TVP23A: variants seen among roughly 807,000 people sequenced by gnomAD.
TVP23A encodes trans-golgi network vesicle protein 23 homolog A.
A neutral mutation model predicts 31.7 loss-of-function variants in TVP23A; 21 were observed. The ratio of observed to expected loss-of-function variants is 0.66; its 90% CI spans 0.47 to 0.95. The LOEUF is 0.95. Among genes scored for constraint, TVP23A ranks in the 40% least tolerant of loss-of-function variants. TVP23A has a pLI of 0.00. For synonymous variants in TVP23A, 104 were observed against 96.0 expected, an observed-to-expected ratio of 1.08 and a Z score of -0.49; for missense variants, 279 against 255.6, an observed-to-expected ratio of 1.09 and a Z score of -0.62.
chr16:10,793,268 T>A (rs778786791), intron 2 of TVP23A, among the ~76,000 whole-genome samples: 1 of 152,050 alleles, frequency 6.6e-6, no homozygotes, highest in Non-Finnish European at 1.5e-5. Context: ...ACAGCAAGAC[T>A]CTGTCTCAAA....
At chr16:10,758,425 A>G (rs1009536144), downstream of TVP23A, among the ~76,000 whole-genome samples, 3 of 152,218 alleles carry the variant, frequency 2.0e-5, no homozygotes, top group Non-Finnish European at 4.4e-5. Flanking sequence ...GTGAGCCATG[A>G]TCACGCCAGT....
At chr16:10,790,279 ATTTT>A (rs376916439) in intron 2 of TVP23A, among the ~76,000 whole-genome samples, 26 of 114,532 alleles carry the variant, frequency 2.3e-4, no homozygotes, top group African/African-American at 7.6e-4. Flanking sequence ...TTGGGGTAAA[ATTTT>A]TTTTTTTTTT....
At chr16:10,771,369 C>A (rs749958871) in intron 6 of TVP23A, among the ~76,000 whole-genome samples, 1 of 151,498 alleles carries the variant, frequency 6.6e-6, no homozygotes, top group Non-Finnish European at 1.5e-5. Context: ...GGCAAAACTT[C>A]GTCTCTACAA....
downstream of TVP23A, among the ~76,000 whole-genome samples, chr16:10,764,454 A>T (rs1018344008): frequency 6.8e-6 from 1 of 147,878 alleles, no homozygotes; most frequent in African/African-American, 2.5e-5. Context: ...AGTGTGTTGG[A>T]GCATCTCAGT....
At chr16:10,802,123 T>C (rs573919883) in intron 2 of TVP23A, among the ~76,000 whole-genome samples, 15 of 131,540 alleles carry the variant, frequency 1.1e-4, no homozygotes, top group South Asian at 4.4e-4. Context: ...CACACACACA[T>C]ACACACACAC....
At chr16:10,788,161 G>A (rs1230609419) in intron 2 of TVP23A, among the ~76,000 whole-genome samples, 1 of 152,134 alleles carries the variant, frequency 6.6e-6, no homozygotes, top group Non-Finnish European at 1.5e-5. Context: ...GCGCTTCTGG[G>A]TCATAGGTAA....
chr16:10,818,241 C>G lies in TVP23A; in HGVS notation c.10-59G>C, dbSNP rs1183522640. The G allele has an allele frequency of 7.0e-7, 1 of 1,420,698 alleles. No homozygotes were observed. The highest frequency in any genetic ancestry group is 1.4e-5 in the African/African-American group (1 of 70,120). The allele number at this position is 1,420,698 out of a possible 1,614,324, so 88.0% of individuals were successfully genotyped here. On this transcript the variant is annotated intron_variant, in intron 1 of 7. Coordinates refer to ENST00000299866, the MANE Select transcript of TVP23A (RefSeq NM_001079512.4). The surrounding 1 kb of genome is among the most constrained non-coding windows in gnomAD (Gnocchi z 4.7). ...AGCACGGCGCACACCCCAACCCCACCCGCCCTGTCCTCCTGGGCTTGGACT... is the reference window on the plus strand; with the variant it reads ...AGCACGGCGCACACCCCAACCCCACGCGCCCTGTCCTCCTGGGCTTGGACT...
At chr16:10,805,998 T>A (rs542797843) in intron 2 of TVP23A, among the ~76,000 whole-genome samples, 49 of 152,314 alleles carry the variant, frequency 3.2e-4, no homozygotes, top group Admixed American at 1.2e-3. Context: ...ACAGGACAGA[T>A]AATGACCTGG....
At chr16:10,798,165 T>C (rs934049524) in intron 2 of TVP23A, among the ~76,000 whole-genome samples, 2 of 151,956 alleles carry the variant, frequency 1.3e-5, no homozygotes, top group Non-Finnish European at 2.9e-5. Context: ...TTCACCATGT[T>C]AGCCAGGATG....
At chr16:10,770,058 T>G (rs2031448350) in intron 7 of TVP23A, among the ~76,000 whole-genome samples, 3 of 151,992 alleles carry the variant, frequency 2.0e-5, no homozygotes, top group Admixed American at 2.0e-4. Context: ...AGGTGTGACC[T>G]CGCCCCCCGA....
At chr16:10,788,367 C>T (rs937063074) in intron 2 of TVP23A, among the ~76,000 whole-genome samples, 6 of 151,866 alleles carry the variant, frequency 4.0e-5, no homozygotes, top group Non-Finnish European at 8.8e-5. Context: ...CTCCATCTCC[C>T]GGATTCAAGC....
At chr16:10,778,857 T>C (rs553946991) in intron 2 of TVP23A, among the ~76,000 whole-genome samples, 2 of 152,054 alleles carry the variant, frequency 1.3e-5, no homozygotes, top group Non-Finnish European at 2.9e-5. Context: ...TCCCAGCTAC[T>C]TGGGAGGCTG....
chr16:10,795,107 G>T (rs2033314176), intron 2 of TVP23A, among the ~76,000 whole-genome samples: 1 of 152,092 alleles, frequency 6.6e-6, no homozygotes, highest in Non-Finnish European at 1.5e-5. Context: ...TGAGAGTCAG[G>T]TTAAGGAAGT....
intron 2 of TVP23A, among the ~76,000 whole-genome samples, chr16:10,810,385 A>C (rs1464936470): frequency 1.3e-5 from 2 of 151,976 alleles, no homozygotes; most frequent in South Asian, 2.1e-4. Context: ...CGTCTCTACA[A>C]AAAATAGAAA....
At chr16:10,802,242 G>T (rs1442207004) in intron 2 of TVP23A, among the ~76,000 whole-genome samples, 1 of 2,846 alleles carries the variant, frequency 3.5e-4, no homozygotes, top group African/African-American at 5.3e-4. Flanking sequence ...TATATGATAC[G>T]TGTGTGTGTG....
intron 2 of TVP23A, among the ~76,000 whole-genome samples, chr16:10,786,160 C>T (rs969129620): frequency 4.6e-5 from 7 of 152,182 alleles, no homozygotes; most frequent in African/African-American, 1.4e-4. Flanking sequence ...TGGCCTTAAG[C>T]ATTTCCCAGT....
In TVP23A at chr16:10,770,277, G is replaced by C. The variant is rs2031476380; in HGVS notation, c.637C>G (p.His213Asp). The C allele has an allele frequency of 1.3e-6, 2 of 1,550,814 alleles. No individual in the cohort carries two copies. Among genetic ancestry groups the C allele is most frequent in the African/African-American group, 2.7e-5 (2 of 72,968 alleles). ...PGLEGLEIHQ[H>D] ...TGCCATGATCCATTTCTCACCTAAT[G>C]CTGGTGAATCTCCAGCCCCTCGAGG... is the stretch of plus-strand genomic sequence containing the variant. Residue 213 changes from histidine (H) to aspartate (D), a missense_variant, in exon 7 of 8, where the codon CAT becomes GAT. His to Asp is a moderately conservative substitution (Grantham distance 81). Transcript: ENST00000299866.
chr16:10,812,040 T>C (rs1194614630), intron 2 of TVP23A, among the ~76,000 whole-genome samples: 2 of 145,536 alleles, frequency 1.4e-5, no homozygotes, highest in African/African-American at 2.6e-5. Flanking sequence ...ATATACAGAA[T>C]AAAGACCTCA....
chr16:10,815,403 C>T (rs545631129), intron 2 of TVP23A, among the ~76,000 whole-genome samples: 2 of 152,246 alleles, frequency 1.3e-5, no homozygotes, highest in Non-Finnish European at 2.9e-5. Context: ...CAGTGAGACT[C>T]CATCTCAAAA....
Sources: allele counts gnomAD v4.1 joint callset (sites outside exome capture counted in the v4.1 genomes callset), GRCh38; gene constraint gnomAD v4.1.1; non-coding constraint Gnocchi (gnomAD v3.1); transcripts MANE v1.5; gene names NCBI Gene and HGNC (gene_info 2026-07-23, HGNC 2026-07-21).